Variants in CASR observed in about 807,000 individuals in gnomAD.
CASR encodes extracellular calcium-sensing receptor.
A neutral mutation model predicts 69.1 loss-of-function variants in CASR; 23 were observed. The ratio of observed to expected loss-of-function variants is 0.33; its 90% confidence interval spans 0.24 to 0.47. CASR has a LOEUF of 0.47. Among genes scored for constraint, CASR ranks in the 20% least tolerant of loss-of-function variants. The pLI is 1.00. For missense variants in CASR, 924 were observed against 1,356.1 expected (o/e 0.68, Z 5.00); for synonymous variants, 541 against 544.7 (o/e 0.99, Z 0.10).
At chr3:122,186,363 T>C (rs1352637896) in intron 1 of CASR, among the ~76,000 whole-genome samples, 1 of 152,116 alleles carries the variant, frequency 6.6e-6, no homozygotes, top group African/African-American at 2.4e-5. Context: ...CTGATCCTTG[T>C]GATAGGGTAG....
At chr3:122,214,097 T>G (rs1031070095) in intron 1 of CASR, among the ~76,000 whole-genome samples, 1 of 152,260 alleles carries the variant, frequency 6.6e-6, no homozygotes, top group African/African-American at 2.4e-5. Flanking sequence ...TGTCTCTTTG[T>G]CCTGCTAATC....
chr3:122,278,270 A>G (rs2074846645), intron 5 of CASR, among the ~76,000 whole-genome samples: 1 of 152,220 alleles, frequency 6.6e-6, no homozygotes, highest in South Asian at 2.1e-4. Flanking sequence ...TTAGAGCTAG[A>G]TAGATCTTTA....
intron 1 of CASR, among the ~76,000 whole-genome samples, chr3:122,197,143 GTT>G (rs2073899122): frequency 6.6e-6 from 1 of 152,128 alleles, no homozygotes; most frequent in East Asian, 1.9e-4. Context: ...CTCTGTTGGT[GTT>G]TTTATGCTAA....
intron 1 of CASR, among the ~76,000 whole-genome samples, chr3:122,195,622 T>C (rs1329698619): frequency 6.6e-6 from 1 of 152,248 alleles, no homozygotes; most frequent in Non-Finnish European, 1.5e-5. Flanking sequence ...AAAGATTTTA[T>C]ACATTGCTTC....
chr3:122,256,984 A>T, intron 2 of CASR, 97 bp from the exon 3 acceptor site: 1 of 980,512 alleles, frequency 1.0e-6, no homozygotes, highest in Non-Finnish European at 1.6e-6. Context: ...AGAGAGTAGT[A>T]ACAGTTCGAT....
rs1220477298 is a variant in CASR, at chr3:122,261,547, G to C, written c.512G>C (p.Ser171Thr). 1 of 1,614,016 alleles carries C rather than the reference G, an allele frequency of 6.2e-7. No homozygotes were observed. The highest frequency in any genetic ancestry group is 8.5e-7 in the Non-Finnish European group (1 of 1,180,024). ...CTCCAGGTCAGTTATGCCTCCTCCA[G>C]CAGACTCCTCAGCAACAAGAATCAA... ...YIPQVSYASS[S>T]RLLSNKNQFK... The change falls in exon 4 of 7, where the codon AGC (serine) becomes ACC (threonine). Residue 171 changes from serine (S) to threonine (T), a missense_variant. By Grantham distance (58) the Ser-to-Thr change is moderately conservative (BLOSUM62 1). Transcript: ENST00000639785.
At chr3:122,194,252 A>C (rs1029575027) in intron 1 of CASR, among the ~76,000 whole-genome samples, 4 of 152,140 alleles carry the variant, frequency 2.6e-5, no homozygotes, top group Admixed American at 6.5e-5. Flanking sequence ...ACTCAGCTGC[A>C]TCTGTTGTTC....
intron 4 of CASR, among the ~76,000 whole-genome samples, chr3:122,266,639 C>T (rs887933717): frequency 9.2e-5 from 14 of 151,958 alleles, no homozygotes; most frequent in Admixed American, 5.9e-4. Context: ...AATTTGGAAG[C>T]ATATAATATT....
At position 122,275,940 on chromosome 3, in the gene CASR, C is replaced by A. The variant is rs1576870401; in HGVS notation, c.1506C>A (p.Ser502=). The change falls in exon 5 of 7, where the codon TCC becomes TCA. Residue 502 remains serine, a synonymous_variant. Transcript: ENST00000639785. ...GGCACCTCTCCCCAGAGGATGGCTC[C>A]ATCGTGTTTAAGGAAGTCGGGTATT... ...INWHLSPEDG[S]IVFKEVGYYN... 1 of 1,614,046 alleles carries A rather than the reference C, an allele frequency of 6.2e-7. No homozygotes were observed. The highest frequency in any genetic ancestry group is 8.5e-7 in the Non-Finnish European group (1 of 1,179,912).
chr3:122,277,475 C>A (rs576431028), intron 5 of CASR, among the ~76,000 whole-genome samples: 13 of 152,312 alleles, frequency 8.5e-5, no homozygotes, highest in Middle Eastern at 3.4e-3. Flanking sequence ...TGGATTACCA[C>A]TGGGAAGGTC....
rs535685407 is a variant in CASR at position 122,198,225 on chromosome 3, C to T, written c.-243+14413C>T. On this transcript the variant is annotated intron_variant, in intron 1 of 6. Coordinates refer to ENST00000639785, the MANE Select transcript of CASR (RefSeq NM_000388.4). ...AAGGATTTATGACACAGAATTTCCACCTCTCAGAATAAATGCTGAGGAGAT... is the reference window on the plus strand; with the variant it reads ...AAGGATTTATGACACAGAATTTCCATCTCTCAGAATAAATGCTGAGGAGAT... Among the ~76,000 whole-genome samples, 159 of 152,292 alleles carry T rather than the reference C, an allele frequency of 1.0e-3. 1 individual carries two copies. Among genetic ancestry groups the T allele is most frequent in the African/African-American group, 3.6e-3 (150 of 41,560 alleles).
intron 1 of CASR, among the ~76,000 whole-genome samples, chr3:122,190,223 T>A (rs140384402): frequency 6.6e-6 from 1 of 152,300 alleles, no homozygotes; most frequent in East Asian, 1.9e-4. Flanking sequence ...CCCAAGCCCC[T>A]GCCAGTTAGA....
At chr3:122,236,480 T>G (rs2074330225) in intron 1 of CASR, among the ~76,000 whole-genome samples, 1 of 152,150 alleles carries the variant, frequency 6.6e-6, no homozygotes, top group African/African-American at 2.4e-5. Context: ...ATGAATTTAG[T>G]GGGGAGGCAT....
intron 1 of CASR, among the ~76,000 whole-genome samples, chr3:122,249,074 G>A (rs1043753241): frequency 6.6e-6 from 1 of 152,178 alleles, no homozygotes; most frequent in African/African-American, 2.4e-5. Flanking sequence ...TCCAGGAATT[G>A]CCCAACCAGC....
chr3:122,267,061 T>C (rs1333533862), intron 4 of CASR, among the ~76,000 whole-genome samples: 2 of 152,248 alleles, frequency 1.3e-5, no homozygotes, highest in Admixed American at 6.5e-5. Context: ...ATCTAAATTA[T>C]CTTCTAACTT....
At chr3:122,283,540 A>G (rs558696192) in intron 6 of CASR, 147 bp from the exon 7 acceptor site, 1 of 700,828 alleles carries the variant, frequency 1.4e-6, no homozygotes, top group East Asian at 2.7e-5. Flanking sequence ...ATTTTTGATA[A>G]TGTAAAAATC....
At chr3:122,237,281 TG>T (rs2074337966) in intron 1 of CASR, among the ~76,000 whole-genome samples, 1 of 152,112 alleles carries the variant, frequency 6.6e-6, no homozygotes, top group Admixed American at 6.5e-5. Flanking sequence ...GACTAATTTT[TG>T]TATTTTTAGT....
intron 1 of CASR, among the ~76,000 whole-genome samples, chr3:122,239,937 A>C (rs1346611434): frequency 1.3e-5 from 2 of 152,220 alleles, no homozygotes; most frequent in African/African-American, 2.4e-5. Flanking sequence ...GTCTTAAAAA[A>C]CAGGTAGAGA....
chr3:122,194,983 TTCC>T (rs1252219284), intron 1 of CASR, among the ~76,000 whole-genome samples: 16 of 139,808 alleles, frequency 1.1e-4, no homozygotes, highest in Non-Finnish European at 2.0e-4. Flanking sequence ...TTCTTACTTT[TTCC>T]TCCTCCTCCT....
Sources: gnomAD v4.1 joint callset for allele counts (sites outside exome capture counted in the v4.1 genomes callset) on GRCh38, gnomAD v4.1.1 for gene constraint, MANE v1.5 for transcripts, NCBI Gene and HGNC (gene_info 2026-07-23, HGNC 2026-07-21) for gene names.